Variants in MAD1L1 observed in about 807,000 individuals in gnomAD.
MAD1L1 encodes mitotic spindle assembly checkpoint protein MAD1.
MAD1L1 carries 95 observed loss-of-function variants against 96.9 expected under a neutral mutation model. The ratio of observed to expected loss-of-function variants is 0.98; its 90% confidence interval spans 0.83 to 1.16. The LOEUF (loss-of-function observed/expected upper bound fraction) is 1.16, where lower values mean the gene tolerates loss of function less well. Ranked by LOEUF, MAD1L1 falls within the 50% of genes most tolerant of loss-of-function variation. The pLI is 0.00. For synonymous variants in MAD1L1, 473 were observed against 396.6 expected (o/e 1.19, Z -2.29); for missense variants, 1,007 against 954.4 (o/e 1.06, Z -0.73).
At chr7:1,966,413 C>T (rs1344134768) in intron 15 of MAD1L1, among the ~76,000 whole-genome samples, 1 of 152,000 alleles carries the variant, frequency 6.6e-6, no homozygotes, top group African/African-American at 2.4e-5. Context: ...GGAAGTGCGG[C>T]GGAGAGGGGC....
intron 11 of MAD1L1, among the ~76,000 whole-genome samples, chr7:2,134,213 A>AAC (rs1268524310): frequency 6.6e-6 from 1 of 152,114 alleles, no homozygotes; most frequent in Non-Finnish European, 1.5e-5. Flanking sequence ...CCTCACACAT[A>AAC]ACCTGTACCG....
At chr7:2,210,802 G>C (rs73041355) in intron 10 of MAD1L1, among the ~76,000 whole-genome samples, 1 of 152,186 alleles carries the variant, frequency 6.6e-6, no homozygotes, top group Non-Finnish European at 1.5e-5. Context: ...ACTAGGGGTC[G>C]ACCCCCACAG....
At chr7:1,836,166 C>T (rs1333338410) in intron 18 of MAD1L1, among the ~76,000 whole-genome samples, 1 of 152,182 alleles carries the variant, frequency 6.6e-6, no homozygotes. Flanking sequence ...GGATTACAGG[C>T]ATGCACCACC....
chr7:2,192,131 T>A (rs1034389517), intron 10 of MAD1L1, among the ~76,000 whole-genome samples: 2 of 151,890 alleles, frequency 1.3e-5, no homozygotes, highest in Non-Finnish European at 2.9e-5. Flanking sequence ...GGTTTTTTGT[T>A]TTTTTTGTTT....
At chr7:2,188,634 A>C (rs1344434850) in intron 10 of MAD1L1, among the ~76,000 whole-genome samples, 1 of 152,242 alleles carries the variant, frequency 6.6e-6, no homozygotes, top group Non-Finnish European at 1.5e-5. Flanking sequence ...TGGTCTCCAC[A>C]TGCAAAAGAA....
intron 10 of MAD1L1, among the ~76,000 whole-genome samples, chr7:2,173,433 C>T (rs1450108998): frequency 6.6e-6 from 1 of 152,226 alleles, no homozygotes; most frequent in Non-Finnish European, 1.5e-5. Context: ...ACCATGGTGA[C>T]TTCCAACTCC....
At chr7:2,153,043 T>C (rs760697847) in intron 10 of MAD1L1, among the ~76,000 whole-genome samples, 10 of 152,174 alleles carry the variant, frequency 6.6e-5, no homozygotes, top group Admixed American at 3.3e-4. Context: ...CAACTGGAGA[T>C]GGATTACAGG....
chr7:1,936,761 A>G lies in MAD1L1; in HGVS notation c.1733T>C (p.Met578Thr). 6.4e-7 allele frequency: 1 copy of G among 1,571,550 alleles called. No individual in the cohort carries two copies. Among genetic ancestry groups the G allele is most frequent in the Non-Finnish European group, 8.6e-7 (1 of 1,159,702 alleles). Residue 578 changes from methionine (M) to threonine (T), a missense_variant, in exon 17 of 19, where the codon ATG becomes ACG. By Grantham distance (81) the Met-to-Thr change is moderately conservative. Transcript: ENST00000265854. Reference sequence around the variant, plus strand: ...GGCTGGGACGGTGCCTCCTCTCTCCATGGCGCGCAGGAGCCCGCGCAGTCG... The same window carrying G: ...GGCTGGGACGGTGCCTCCTCTCTCCGTGGCGCGCAGGAGCCCGCGCAGTCG... The part of the protein sequence containing the change: ...CERLRGLLRA[M>T]ERGGTVPADL...
In MAD1L1 at chr7:1,827,344, G is replaced by A. The variant is rs545143210; in HGVS notation, c.1999-11116C>T. On this transcript the variant is annotated intron_variant, in intron 18 of 18. Transcript: ENST00000265854. ...GGACAGGTGCTCAGATCAGGCACAC[G>A]GGTGAGGAGGGAGGAGCTGCAGCAC... Among the ~76,000 whole-genome samples, 12 of 152,358 alleles carry A rather than the reference G, an allele frequency of 7.9e-5. No homozygotes were observed. In the East Asian group the frequency reaches 2.1e-3, roughly 27 times the overall value.
Position 2,230,653 on chromosome 7 carries a change from G to C in MAD1L1, c.-115C>G, listed in dbSNP as rs991889931. The C allele has an allele frequency of 6.4e-6, 1 of 155,742 alleles. No individual in the cohort carries two copies. Among genetic ancestry groups the C allele is most frequent in the African/African-American group, 2.4e-5 (1 of 41,512 alleles). The allele number at this position is 155,742 out of a possible 1,614,324, so 9.6% of individuals were successfully genotyped here. ...CTGAAGGCCTCAGAGCCAGGGGTCCGATGGTGTAATTCTCAGTTCGAGGGG... is the reference window on the plus strand; with the variant it reads ...CTGAAGGCCTCAGAGCCAGGGGTCCCATGGTGTAATTCTCAGTTCGAGGGG... On this transcript the variant is annotated 5_prime_UTR_variant, in exon 2 of 19. The change creates a new upstream start codon in the 5' untranslated region. Transcript: ENST00000265854.
chr7:1,823,476 G>A (rs1436783022), intron 18 of MAD1L1, among the ~76,000 whole-genome samples: 3 of 152,162 alleles, frequency 2.0e-5, no homozygotes, highest in South Asian at 2.1e-4. Flanking sequence ...ACGACAGGGC[G>A]CCAGCGTCTC....
At position 1,975,939 on chromosome 7, in the gene MAD1L1, A is replaced by T. The variant is rs867011383; in HGVS notation, c.1505+4514T>A. Among the ~76,000 whole-genome samples the T allele has an allele frequency of 3.9e-5, 6 of 152,352 alleles. No individual in the cohort carries two copies. In the South Asian group the frequency reaches 6.2e-4, roughly 16 times the overall value. ...CTAACCAGTTGCTGAATCTACAGGC[A>T]ACATTTAGGATTTGCTAGAGCTGCT... On this transcript the variant is annotated intron_variant, in intron 15 of 18. Transcript: ENST00000265854.
chr7:2,043,104 C>T (rs745458709), intron 12 of MAD1L1, among the ~76,000 whole-genome samples: 43 of 152,348 alleles, frequency 2.8e-4, no homozygotes, highest in Admixed American at 3.9e-4. Flanking sequence ...GATATTTCCA[C>T]GCAGAATGCA....
chr7:2,121,410 C>A (rs1787973237), intron 11 of MAD1L1, among the ~76,000 whole-genome samples: 1 of 152,196 alleles, frequency 6.6e-6, no homozygotes, highest in Non-Finnish European at 1.5e-5. Context: ...CCAGCTGGAG[C>A]CTCCCGGGCA....
At chr7:1,993,852 G>C (rs971159153) in intron 14 of MAD1L1, among the ~76,000 whole-genome samples, 1 of 152,310 alleles carries the variant, frequency 6.6e-6, no homozygotes, top group South Asian at 2.1e-4. Context: ...CTCAGCACTC[G>C]GCAGATGCTT....
intron 18 of MAD1L1, among the ~76,000 whole-genome samples, chr7:1,835,668 A>T (rs1340187181): frequency 6.6e-6 from 1 of 152,152 alleles, no homozygotes; most frequent in African/African-American, 2.4e-5. Context: ...CTCACACAAG[A>T]AAGAATTTGA....
At chr7:1,977,102 T>C (rs1163595480) in intron 15 of MAD1L1, among the ~76,000 whole-genome samples, 1 of 152,192 alleles carries the variant, frequency 6.6e-6, no homozygotes, top group Non-Finnish European at 1.5e-5. Flanking sequence ...CAGTCCCACG[T>C]CACACGCCTG....
At chr7:2,219,644 TAG>T (rs1299797007) in intron 5 of MAD1L1, among the ~76,000 whole-genome samples, 188 bp from the exon 6 acceptor site, 1 of 61,994 alleles carries the variant, frequency 1.6e-5, no homozygotes, top group African/African-American at 5.1e-5. Flanking sequence ...GGCAGAGCGG[TAG>T]GGGGGCAGAT....
intron 10 of MAD1L1, among the ~76,000 whole-genome samples, chr7:2,164,983 G>T (rs1387101866): frequency 6.6e-6 from 1 of 152,194 alleles, no homozygotes; most frequent in Non-Finnish European, 1.5e-5. Flanking sequence ...GGAGGGCCAG[G>T]AAAGGGCTCT....
Sources: gnomAD v4.1 joint callset for allele counts (sites outside exome capture counted in the v4.1 genomes callset) on GRCh38, gnomAD v4.1.1 for gene constraint, MANE v1.5 for transcripts, NCBI Gene and HGNC (gene_info 2026-07-23, HGNC 2026-07-21) for gene names.